The following TRAPPC9 variants were observed in gnomAD, a reference collection of about 807,000 sequenced individuals.
TRAPPC9 encodes the protein IKK2 binding protein.
In TRAPPC9, 83 loss-of-function variants were observed where a neutral mutation model predicts 124.0. The ratio of observed to expected loss-of-function variants is 0.67; its 90% CI spans 0.56 to 0.80. The LOEUF is 0.80. TRAPPC9 is among the 30% of genes least tolerant of loss of function. The pLI is 0.00. For synonymous variants in TRAPPC9, 638 were observed against 617.5 expected (o/e 1.03, Z -0.49); for missense variants, 1,302 against 1,508.3 (o/e 0.86, Z 2.27).
intron 11 of TRAPPC9, among the ~76,000 whole-genome samples, chr8:140,295,234 T>A (rs1454200579): frequency 6.6e-6 from 1 of 152,228 alleles, no homozygotes; most frequent in African/African-American, 2.4e-5. Flanking sequence ...ACAGGGCATA[T>A]AACTGCTACC....
chr8:140,378,457 T>C (rs545810341), intron 7 of TRAPPC9, among the ~76,000 whole-genome samples: 14 of 152,282 alleles, frequency 9.2e-5, no homozygotes, highest in East Asian at 1.9e-4. Flanking sequence ...AACTAGAACA[T>C]TGGACTCCAA....
At chr8:140,361,983 C>T (rs2067968454) in intron 8 of TRAPPC9, among the ~76,000 whole-genome samples, 1 of 152,212 alleles carries the variant, frequency 6.6e-6, no homozygotes, top group African/African-American at 2.4e-5. Flanking sequence ...GGTTCCACCG[C>T]TCACAGCCCT....
chr8:139,884,253 C>T (rs1347385539), intron 21 of TRAPPC9, among the ~76,000 whole-genome samples: 2 of 152,040 alleles, frequency 1.3e-5, no homozygotes, highest in Non-Finnish European at 2.9e-5. Flanking sequence ...GCAGGGACTT[C>T]TCCCCGCTCA....
In TRAPPC9 at chr8:140,163,573, G is replaced by A. The variant is rs200574413; in HGVS notation, c.2556+57886C>T. On this transcript the variant is annotated intron_variant, in intron 17 of 22. Transcript: ENST00000438773. ...TGGGAAACGGAGAGGGTGGCGGGCA[G>A]ATGGACCAGACAGGGGAACGCTGTG... Among the ~76,000 whole-genome samples the A allele has an allele frequency of 6.6e-5, 10 of 152,344 alleles. No individual in the cohort carries two copies. In the East Asian group the frequency reaches 1.9e-3, roughly 29 times the overall value.
At chr8:140,142,689 G>C (rs982857170) in intron 17 of TRAPPC9, among the ~76,000 whole-genome samples, 3 of 152,306 alleles carry the variant, frequency 2.0e-5, no homozygotes, top group Non-Finnish European at 2.9e-5. Flanking sequence ...TAAAAGATGG[G>C]TTATTTTCCA....
intron 21 of TRAPPC9, among the ~76,000 whole-genome samples, chr8:139,844,423 G>T (rs1478115655): frequency 6.6e-6 from 1 of 152,256 alleles, no homozygotes; most frequent in Non-Finnish European, 1.5e-5. Flanking sequence ...AGAGAAGGAT[G>T]AGGCTTTTCT....
chr8:140,371,143 A>G lies in TRAPPC9; in HGVS notation c.1172T>C (p.Leu391Pro). 6.2e-7 allele frequency: 1 copy of G among 1,614,002 alleles called. No individual in the cohort carries two copies. Among genetic ancestry groups the G allele is most frequent in the Non-Finnish European group, 8.5e-7 (1 of 1,179,950 alleles). Residue 391 changes from leucine (L) to proline (P), a missense_variant, in exon 8 of 23, where the codon CTC becomes CCC. Physicochemically the swap from Leu to Pro is moderately conservative, Grantham distance 98. This residue lies in a region of TRAPPC9 where 657 missense variants were observed against 811.2 expected (regional missense o/e 0.81). Coordinates refer to ENST00000438773, the MANE Select transcript of TRAPPC9 (RefSeq NM_001160372.4). Reference sequence around the variant, plus strand: ...GCCGATCAGCTCATAGAGCTCGGAGAGGATGCTGTAGCGCTGAATTTTCTC... The same window carrying G: ...GCCGATCAGCTCATAGAGCTCGGAGGGGATGCTGTAGCGCTGAATTTTCTC... ...EEEKIQRYSI[L>P]SELYELIGFH...
At chr8:139,917,173 T>C (rs1209702297) in intron 19 of TRAPPC9, among the ~76,000 whole-genome samples, 1 of 135,000 alleles carries the variant, frequency 7.4e-6, no homozygotes, top group Non-Finnish European at 1.6e-5. Flanking sequence ...TTTTCTTTTT[T>C]TTTTTTTTTT....
At chr8:139,883,333 A>T (rs899345538) in intron 21 of TRAPPC9, among the ~76,000 whole-genome samples, 2 of 152,258 alleles carry the variant, frequency 1.3e-5, no homozygotes, top group Non-Finnish European at 2.9e-5. Context: ...ACATTTCTTT[A>T]TAAATTACCC....
intron 17 of TRAPPC9, among the ~76,000 whole-genome samples, chr8:140,111,560 G>C (rs1032359309): frequency 2.0e-5 from 3 of 152,232 alleles, no homozygotes; most frequent in African/African-American, 7.2e-5. Context: ...ACTGATGCCC[G>C]TGAGCAGAGC....
intron 19 of TRAPPC9, among the ~76,000 whole-genome samples, chr8:139,940,579 A>G (rs1468438333): frequency 6.6e-6 from 1 of 152,222 alleles, no homozygotes; most frequent in Admixed American, 6.5e-5. Context: ...CAGCAGAGTC[A>G]CAGGCCTGGG....
chr8:139,938,286 ATCTT>A (rs1833669514), intron 19 of TRAPPC9, among the ~76,000 whole-genome samples: 1 of 151,862 alleles, frequency 6.6e-6, no homozygotes, highest in South Asian at 2.1e-4. Flanking sequence ...GAAACAGTCT[ATCTT>A]TATTTTTTTT....
chr8:140,381,090 A>G lies in TRAPPC9; in HGVS notation c.1135-9910T>C, dbSNP rs182513620. Among the ~76,000 whole-genome samples, 82 of 152,044 alleles carry G rather than the reference A, an allele frequency of 5.4e-4. No homozygotes were observed. In the East Asian group the frequency reaches 0.015, roughly 28 times the overall value. ...TGTGGTGGTGTATGCCTGTAATCCC[A>G]GCTACTTGGGAGGCTGAGGCAGGAG... On this transcript the variant is annotated intron_variant, in intron 7 of 22. Transcript: ENST00000438773.
intron 9 of TRAPPC9, among the ~76,000 whole-genome samples, chr8:140,352,339 A>G (rs1443728805): frequency 1.3e-5 from 2 of 152,244 alleles, no homozygotes; most frequent in African/African-American, 4.8e-5. Flanking sequence ...AAAGCATGAC[A>G]GCAGCTATGG....
chr8:139,947,863 C>T lies in TRAPPC9; in HGVS notation c.2811-37563G>A, dbSNP rs537203342. Among the ~76,000 whole-genome samples, 28 of 96,082 alleles carry T rather than the reference C, an allele frequency of 2.9e-4. No homozygotes were observed. In the East Asian group the frequency reaches 3.3e-3, roughly 11 times the overall value. 63.0% of individuals were successfully genotyped at this position (96,082 alleles called of 152,430 possible). ...AGTCTGGGCCACAAGAGCAAAATTC[C>T]GTCTCAAAAAAAAAAAAAAGAAATA... On this transcript the variant is annotated intron_variant, in intron 19 of 22. Transcript: ENST00000438773.
At chr8:140,146,511 C>A (rs888864471) in intron 17 of TRAPPC9, among the ~76,000 whole-genome samples, 4 of 152,208 alleles carry the variant, frequency 2.6e-5, no homozygotes, top group African/African-American at 9.6e-5. Context: ...TGCATATACA[C>A]ATTTTTTCTA....
intron 17 of TRAPPC9, among the ~76,000 whole-genome samples, chr8:140,046,027 G>T (rs1331243832): frequency 6.7e-6 from 1 of 149,960 alleles, no homozygotes; most frequent in Admixed American, 6.6e-5. Context: ...TTTTTAATGT[G>T]GGACTGGATC....
intron 16 of TRAPPC9, among the ~76,000 whole-genome samples, chr8:140,227,213 C>T (rs554421807): frequency 6.6e-6 from 1 of 152,154 alleles, no homozygotes; most frequent in East Asian, 1.9e-4. Context: ...AAGCAAATCA[C>T]TGGGCGCGCC....
At chr8:140,093,332 G>A (rs1844698194) in intron 17 of TRAPPC9, among the ~76,000 whole-genome samples, 1 of 152,174 alleles carries the variant, frequency 6.6e-6, no homozygotes, top group Non-Finnish European at 1.5e-5. Context: ...CCAGCAGATG[G>A]TGACCTGAAG....
Sources: gnomAD v4.1 joint callset for allele counts (sites outside exome capture counted in the v4.1 genomes callset) on GRCh38, gnomAD v4.1.1 for gene constraint, gnomAD v4.1.1 regional missense constraint, MANE v1.5 for transcripts, NCBI Gene and HGNC (gene_info 2026-07-23, HGNC 2026-07-21) for gene names.